The following NFIB variants were observed in gnomAD, a reference collection of about 807,000 sequenced individuals.
NFIB encodes nuclear factor I B, also known as nuclear factor 1 B-type.
Under a neutral mutation model 61.5 loss-of-function variants are expected in NFIB, and 11 were observed. The ratio of observed to expected loss-of-function variants is 0.18; its 90% CI spans 0.11 to 0.30. The LOEUF is 0.30. Among genes scored for constraint, NFIB ranks in the 10% least tolerant of loss-of-function variants. NFIB has a pLI of 1.00. For synonymous variants in NFIB, 260 were observed against 216.5 expected, an observed-to-expected ratio of 1.20 and a Z score of -1.76; for missense variants, 471 against 608.9, an observed-to-expected ratio of 0.77 and a Z score of 2.38.
chr9:14,352,240 C>T (rs991551145), intron 1 of NFIB, among the ~76,000 whole-genome samples: 1 of 148,842 alleles, frequency 6.7e-6, no homozygotes, highest in African/African-American at 2.5e-5. Context: ...GCTCCGTCTC[C>T]TGGAATTACA....
chr9:14,460,154 G>A, the NFIB span, among the ~76,000 whole-genome samples: 1 of 152,144 alleles, frequency 6.6e-6, no homozygotes, highest in Non-Finnish European at 1.5e-5. Flanking sequence ...TTAAGAAAAT[G>A]TGGCACATAT....
chr9:14,194,784 G>C (rs1046512964), intron 2 of NFIB, among the ~76,000 whole-genome samples: 1 of 152,042 alleles, frequency 6.6e-6, no homozygotes, highest in African/African-American at 2.4e-5. Context: ...TGACAGCAAA[G>C]AACTAAGCTC....
chr9:14,152,842 A>G (rs1358321507), intron 4 of NFIB, among the ~76,000 whole-genome samples: 1 of 150,696 alleles, frequency 6.6e-6, no homozygotes, highest in Non-Finnish European at 1.5e-5. Flanking sequence ...AGTTGATCTC[A>G]TCGAAGGGGT....
At position 14,251,664 on chromosome 9, in the gene NFIB, C is replaced by T. The variant is rs145187279; in HGVS notation, c.562+55325G>A. ...AGGCTCTGCTCCTTCTCACCACGGCCGAGGGGCCACTGGAGCCTCCTGCAG... is the reference window on the plus strand; with the variant it reads ...AGGCTCTGCTCCTTCTCACCACGGCTGAGGGGCCACTGGAGCCTCCTGCAG... On this transcript the variant is annotated intron_variant, in intron 2 of 10. Coordinates refer to ENST00000380953, the MANE Select transcript of NFIB (RefSeq NM_001190737.2). Among the ~76,000 whole-genome samples, 1,262 of 152,286 alleles carry T rather than the reference C, an allele frequency of 8.3e-3. 11 individuals are homozygous for T. The highest frequency in any genetic ancestry group is 0.017 in the Middle Eastern group (5 of 294).
At chr9:14,103,506 G>A (rs946104375) in intron 10 of NFIB, among the ~76,000 whole-genome samples, 2 of 151,938 alleles carry the variant, frequency 1.3e-5, no homozygotes, top group Non-Finnish European at 2.9e-5. Flanking sequence ...TGGAACCAAA[G>A]TACCATAAAT....
At chr9:14,454,388 T>C in the NFIB span, among the ~76,000 whole-genome samples, 1 of 152,218 alleles carries the variant, frequency 6.6e-6, no homozygotes, top group Non-Finnish European at 1.5e-5. Context: ...AATTAATACA[T>C]CCAAAATGTT....
intron 1 of NFIB, among the ~76,000 whole-genome samples, chr9:14,332,696 T>C (rs551360562): frequency 3.2e-4 from 49 of 152,274 alleles, no homozygotes; most frequent in African/African-American, 1.1e-3. Flanking sequence ...TAGTCATCTA[T>C]TGAAGAAGAC....
chr9:14,196,688 TAAAA>T (rs35353437), intron 2 of NFIB, among the ~76,000 whole-genome samples: 1 of 140,408 alleles, frequency 7.1e-6, no homozygotes, highest in Non-Finnish European at 1.5e-5. Flanking sequence ...TATTCTAACT[TAAAA>T]AAAAAAAAAA....
chr9:14,421,505 C>T, the NFIB span, among the ~76,000 whole-genome samples: 19 of 152,150 alleles, frequency 1.2e-4, no homozygotes, highest in African/African-American at 4.6e-4. Flanking sequence ...AAGAGGAATG[C>T]AGAGTATACA....
intron 2 of NFIB, among the ~76,000 whole-genome samples, chr9:14,218,411 C>G (rs1256638536): frequency 6.6e-6 from 1 of 152,162 alleles, no homozygotes; most frequent in African/African-American, 2.4e-5. Flanking sequence ...ATTCCACCCA[C>G]TGGCATTCTG....
intron 2 of NFIB, among the ~76,000 whole-genome samples, chr9:14,268,312 G>C (rs1290438776): frequency 1.3e-5 from 2 of 152,022 alleles, no homozygotes; most frequent in African/African-American, 2.4e-5. Context: ...CAGCTTGAAA[G>C]CTTGATGATC....
intron 2 of NFIB, among the ~76,000 whole-genome samples, chr9:14,244,766 C>G (rs1285509462): frequency 6.6e-6 from 1 of 152,042 alleles, no homozygotes. Flanking sequence ...GAGCAAAATG[C>G]CTGGAACACA....
the NFIB span, among the ~76,000 whole-genome samples, chr9:14,499,199 A>T: frequency 6.6e-6 from 1 of 152,162 alleles, no homozygotes. Context: ...CATCTACATG[A>T]CAAATACTCC....
At chr9:14,130,324 C>G (rs950399209) in intron 6 of NFIB, among the ~76,000 whole-genome samples, 1 of 152,070 alleles carries the variant, frequency 6.6e-6, no homozygotes, top group African/African-American at 2.4e-5. Context: ...CCATTAGGAG[C>G]AGGAGAAATA....
intron 2 of NFIB, among the ~76,000 whole-genome samples, chr9:14,293,197 C>T (rs1314176230): frequency 1.3e-5 from 2 of 152,092 alleles, no homozygotes; most frequent in Non-Finnish European, 2.9e-5. Context: ...AAATATTGCC[C>T]ATAACTATTA....
rs200054648 is a variant in NFIB at position 14,237,842 on chromosome 9, AGTGTGTGT to A, written c.563-58070_563-58063del. On this transcript the variant is annotated intron_variant, in intron 2 of 10. Coordinates refer to ENST00000380953, the MANE Select transcript of NFIB (RefSeq NM_001190737.2). ...AGCTCCTCACCCTGCTAGGTATAAC[AGTGTGTGT>A]GTGTGTGTGTGTGTGTGTGTGTGTG... Among the ~76,000 whole-genome samples, 197 of 52,540 alleles carry A rather than the reference AGTGTGTGT, an allele frequency of 3.7e-3. 6 individuals carry two copies. The highest frequency in any genetic ancestry group is 0.014 in the Middle Eastern group (1 of 72). 34.5% of individuals were successfully genotyped at this position (52,540 alleles called of 152,430 possible).
At chr9:14,112,427 T>A (rs186935204) in intron 10 of NFIB, among the ~76,000 whole-genome samples, 1 of 152,314 alleles carries the variant, frequency 6.6e-6, no homozygotes, top group Non-Finnish European at 1.5e-5. Context: ...AAAATGCTAC[T>A]AGAAACATAA....
Position 14,272,461 on chromosome 9 carries a change from T to C in NFIB, c.562+34528A>G, listed in dbSNP as rs1208115275. On this transcript the variant is annotated intron_variant, in intron 2 of 10. Transcript: ENST00000380953. ...AAATGCTATCATTTAAAAACACTCC[T>C]ACTGAAAATGTTTGCAGCTATAAAT... 2.6e-5 allele frequency among the ~76,000 whole-genome samples: 4 copies of C among 152,118 alleles called. No individual in the cohort carries two copies. In the East Asian group the frequency reaches 7.7e-4, roughly 29 times the overall value.
At chr9:14,460,541 G>C in the NFIB span, among the ~76,000 whole-genome samples, 2 of 151,876 alleles carry the variant, frequency 1.3e-5, no homozygotes, top group South Asian at 4.1e-4. Context: ...GGCTATTTCT[G>C]TTGCAGATAG....
Sources: gnomAD v4.1 joint callset for allele counts (sites outside exome capture counted in the v4.1 genomes callset) on GRCh38, gnomAD v4.1.1 for gene constraint, MANE v1.5 for transcripts, NCBI Gene and HGNC (gene_info 2026-07-23, HGNC 2026-07-21) for gene names.